CCDC171: variants seen among roughly 807,000 people sequenced by gnomAD.
CCDC171 encodes coiled-coil domain containing 171.
Under a neutral mutation model 168.2 loss-of-function variants are expected in CCDC171, and 177 were observed. That is an observed-to-expected ratio of 1.05 (90% CI 0.93 to 1.19). The LOEUF (loss-of-function observed/expected upper bound fraction) is 1.19, where lower values mean the gene tolerates loss of function less well. Among genes scored for constraint, CCDC171 ranks in the 50% most tolerant of loss-of-function variants. The probability of loss-of-function intolerance (pLI) is 0.00; values close to 1 mark genes in which losing one functional copy is unlikely to be tolerated. For missense variants in CCDC171, 1,991 were observed against 1,539.0 expected (o/e 1.29, Z -4.91); for synonymous variants, 687 against 540.8 (o/e 1.27, Z -3.75).
At chr9:15,946,533 A>G (rs1173015928) in intron 25 of CCDC171, among the ~76,000 whole-genome samples, 2 of 152,062 alleles carry the variant, frequency 1.3e-5, no homozygotes, top group Non-Finnish European at 2.9e-5. Flanking sequence ...ATACAAACAA[A>G]TGGAAGAACA....
At chr9:15,980,322 C>T (rs10962244) in intron 3 of CCDC171, among the ~76,000 whole-genome samples, 39,934 of 151,992 alleles carry the variant, frequency 0.26, 6,926 homozygotes, top group East Asian at 0.62. Context: ...ATTTGCAAGA[C>T]TTTAAAGGTC....
intron 10 of CCDC171, among the ~76,000 whole-genome samples, chr9:15,680,754 C>G (rs2049984601): frequency 1.3e-5 from 2 of 152,134 alleles, no homozygotes; most frequent in African/African-American, 4.8e-5. Flanking sequence ...CTCTTACCTC[C>G]TAGTTCAGGA....
intron 24 of CCDC171, among the ~76,000 whole-genome samples, chr9:15,900,143 C>T (rs1021929353): frequency 1.3e-5 from 2 of 152,052 alleles, no homozygotes; most frequent in Admixed American, 1.3e-4. Flanking sequence ...GTGGGTGATA[C>T]CAGTAAATGT....
chr9:15,906,160 C>G (rs2131727843), intron 24 of CCDC171, among the ~76,000 whole-genome samples: 2 of 152,226 alleles, frequency 1.3e-5, no homozygotes, highest in Admixed American at 6.5e-5. Context: ...GGAATCCTCC[C>G]TAACTCATTT....
At chr9:16,035,111 G>A (rs1255086039) in intron 6 of CCDC171, among the ~76,000 whole-genome samples, 1 of 152,134 alleles carries the variant, frequency 6.6e-6, no homozygotes, top group African/African-American at 2.4e-5. Flanking sequence ...CATTTTGTAA[G>A]GGAACTGTTT....
intron 18 of CCDC171, among the ~76,000 whole-genome samples, chr9:15,769,240 T>C (rs1052091963): frequency 5.9e-5 from 9 of 152,232 alleles, no homozygotes; most frequent in Non-Finnish European, 1.3e-4. Context: ...TAGTATATTG[T>C]CATTCTCTGA....
intron 23 of CCDC171, among the ~76,000 whole-genome samples, chr9:15,863,189 TCTC>T (rs2061632643): frequency 6.6e-6 from 1 of 151,978 alleles, no homozygotes; most frequent in African/African-American, 2.4e-5. Context: ...TTCCTTCCCT[TCTC>T]ATAAAAAGTT....
the CCDC171 span, among the ~76,000 whole-genome samples, chr9:16,098,688 C>T: frequency 6.6e-6 from 1 of 152,186 alleles, no homozygotes. Flanking sequence ...TGGGTTTTTG[C>T]CACCTTGAAT....
intron 25 of CCDC171, among the ~76,000 whole-genome samples, chr9:15,942,295 A>T (rs1342099039): frequency 6.6e-6 from 1 of 152,000 alleles, no homozygotes; most frequent in Non-Finnish European, 1.5e-5. Context: ...TAAAGTTCAT[A>T]AGCCTATTTG....
intron 6 of CCDC171, among the ~76,000 whole-genome samples, chr9:16,030,709 G>A (rs16933974): frequency 0.016 from 2,372 of 152,274 alleles, 74 homozygotes; most frequent in South Asian, 0.1. Flanking sequence ...AGAATGCAGA[G>A]GACCTGACTC....
At chr9:15,747,968 T>C (rs987386394) in intron 18 of CCDC171, among the ~76,000 whole-genome samples, 3 of 152,084 alleles carry the variant, frequency 2.0e-5, no homozygotes, top group African/African-American at 7.3e-5. Context: ...AAGGAGCATG[T>C]TCTAACCCAC....
At chr9:15,835,929 CTTTA>C (rs2136299965) in intron 21 of CCDC171, among the ~76,000 whole-genome samples, 1 of 152,052 alleles carries the variant, frequency 6.6e-6, no homozygotes, top group South Asian at 2.1e-4. Context: ...TGGTACCCCT[CTTTA>C]TTTTGTTATT....
In CCDC171 at chr9:15,920,934, C is replaced by A. The variant is rs920062781; in HGVS notation, c.3753+512C>A. Among the ~76,000 whole-genome samples the A allele has an allele frequency of 1.7e-4, 25 of 150,664 alleles. 1 individual carries two copies. The highest frequency in any genetic ancestry group is 5.8e-4 in the African/African-American group (24 of 41,142). On this transcript the variant is annotated intron_variant, in intron 25 of 25. Coordinates refer to ENST00000380701, the MANE Select transcript of CCDC171 (RefSeq NM_173550.4). ...ATTTTCATGTCTTAAAATTTCAGCC[C>A]ATGATGAAGTTTGGGCTCACTTAAC...
intron 21 of CCDC171, among the ~76,000 whole-genome samples, chr9:15,835,866 A>G (rs1164102307): frequency 6.6e-6 from 1 of 152,166 alleles, no homozygotes; most frequent in Non-Finnish European, 1.5e-5. Context: ...ACATATATAC[A>G]TGCATATTAG....
At chr9:15,567,135 C>T (rs950955668) in intron 2 of CCDC171, among the ~76,000 whole-genome samples, 8 of 151,082 alleles carry the variant, frequency 5.3e-5, no homozygotes, top group Non-Finnish European at 7.4e-5. Flanking sequence ...GATTCTCCTG[C>T]CTCAACCTCC....
intron 7 of CCDC171, among the ~76,000 whole-genome samples, chr9:15,650,219 A>G (rs1422822789): frequency 1.3e-5 from 2 of 152,050 alleles, no homozygotes; most frequent in African/African-American, 2.4e-5. Flanking sequence ...TGGACACAGG[A>G]TGGGGAACAT....
At chr9:15,882,339 A>C (rs1818757473) in intron 24 of CCDC171, among the ~76,000 whole-genome samples, 1 of 152,152 alleles carries the variant, frequency 6.6e-6, no homozygotes, top group Non-Finnish European at 1.5e-5. Context: ...TCTGGTTGTT[A>C]ATCCCTTGTC....
At chr9:15,636,648 C>A (rs2046220714) in intron 7 of CCDC171, among the ~76,000 whole-genome samples, 1 of 147,872 alleles carries the variant, frequency 6.8e-6, no homozygotes, top group Admixed American at 6.9e-5. Context: ...GCTTGGGAGG[C>A]TGAGGTGGGA....
chr9:15,611,054 T>C (rs1009048824), intron 6 of CCDC171, among the ~76,000 whole-genome samples: 65 of 152,226 alleles, frequency 4.3e-4, no homozygotes, highest in African/African-American at 1.5e-3. Context: ...CCATTCCTCT[T>C]GGTACTATCC....
Sources: gnomAD v4.1 joint callset for allele counts (sites outside exome capture counted in the v4.1 genomes callset) on GRCh38, gnomAD v4.1.1 for gene constraint, MANE v1.5 for transcripts, NCBI Gene and HGNC (gene_info 2026-07-23, HGNC 2026-07-21) for gene names.